BEND4: variants seen among roughly 807,000 people sequenced by gnomAD.
The protein encoded by BEND4 is BEN domain containing 4, also known as BEN domain-containing protein 4.
A neutral mutation model predicts 54.7 loss-of-function variants in BEND4; 27 were observed. The observed-to-expected ratio is 0.49, with a 90% CI of 0.36 to 0.68. The LOEUF is 0.68. Among genes scored for constraint, BEND4 ranks in the 30% least tolerant of loss-of-function variants. The probability of loss-of-function intolerance (pLI) is 0.00; values close to 1 mark genes in which losing one functional copy is unlikely to be tolerated. For synonymous variants in BEND4, 327 were observed against 299.5 expected (o/e 1.09, Z -0.95); for missense variants, 702 against 697.2 (o/e 1.01, Z -0.08).
At chr4:42,143,337 A>T in intron 3 of BEND4, 91 bp downstream of exon 3, 2 of 1,159,780 alleles carry the variant, frequency 1.7e-6, no homozygotes, top group South Asian at 1.4e-5. Flanking sequence ...ATATACACAT[A>T]CACATACATG....
chr4:42,120,753 G>A (rs868125358), intron 4 of BEND4, among the ~76,000 whole-genome samples: 1 of 151,670 alleles, frequency 6.6e-6, no homozygotes, highest in Non-Finnish European at 1.5e-5. Context: ...TGTGTTTAAC[G>A]CACCCAACAC....
chr4:42,142,465 AT>A (rs57412336), intron 3 of BEND4, among the ~76,000 whole-genome samples: 46,472 of 143,950 alleles, frequency 0.32, 9,230 homozygotes, highest in African/African-American at 0.59. Flanking sequence ...ACTAAAAAAA[AT>A]ATATATATAT....
chr4:42,126,733 C>T (rs956805888), intron 3 of BEND4, among the ~76,000 whole-genome samples: 1 of 152,018 alleles, frequency 6.6e-6, no homozygotes, highest in Admixed American at 6.6e-5. Flanking sequence ...TAGCTTAGGC[C>T]GGGCGTGGTG....
At chr4:42,125,780 C>A in intron 3 of BEND4, 106 bp from the exon 4 acceptor site, 1 of 687,046 alleles carries the variant, frequency 1.5e-6, no homozygotes. Context: ...TTACTGGCAC[C>A]CATACTGGAG....
rs759967214 is a variant in BEND4, at chr4:42,143,792, G to A, written c.690C>T (p.Asp230=). The A allele has an allele frequency of 1.9e-6, 3 of 1,609,050 alleles. No homozygotes were observed. Among genetic ancestry groups the A allele is most frequent in the Non-Finnish European group, 1.7e-6 (2 of 1,177,410 alleles). ...GVHSQTSDNV[D]IEMQYMQRKQ... is the part of the protein sequence containing the mutation. ...TCCTTTGCATATACTGCATCTCTAT[G>A]TCTACATTGTCTGAGGTCTGACTGT... Residue 230 remains aspartate, a synonymous_variant, in exon 3 of 6, where the codon GAC becomes GAT. Coordinates refer to ENST00000502486, the MANE Select transcript of BEND4 (RefSeq NM_207406.4).
intron 3 of BEND4, among the ~76,000 whole-genome samples, chr4:42,137,035 A>G (rs529673617): frequency 6.6e-6 from 1 of 152,196 alleles, no homozygotes; most frequent in Non-Finnish European, 1.5e-5. Context: ...ACGATGGTGA[A>G]TAATGAGAAT....
At chr4:42,144,657 A>G (rs1259833614) in intron 2 of BEND4, among the ~76,000 whole-genome samples, 1 of 152,234 alleles carries the variant, frequency 6.6e-6, no homozygotes, top group Non-Finnish European at 1.5e-5. Context: ...GCCAATGTTT[A>G]GGCTGACGTG....
intron 2 of BEND4, among the ~76,000 whole-genome samples, chr4:42,146,962 TTTC>T (rs1258512542): frequency 6.6e-6 from 1 of 152,208 alleles, no homozygotes; most frequent in Non-Finnish European, 1.5e-5. Context: ...CGTGATTTGT[TTTC>T]TTAACTGAAG....
rs761970352 is a variant in BEND4, at chr4:42,143,909, G to C, written c.573C>G (p.Ser191=). Reference sequence around the variant, plus strand: ...AAGAAATCATGGACTGAGAATGGTTGGAGTCCAGGAGTTTTCCTCCACAAT... The same window carrying C: ...AAGAAATCATGGACTGAGAATGGTTCGAGTCCAGGAGTTTTCCTCCACAAT... ...LLNCGGKLLD[S]NHSQSMISCV... is the part of the protein sequence containing the mutation. Residue 191 remains serine, a synonymous_variant, in exon 3 of 6, where the codon TCC becomes TCG. Transcript: ENST00000502486. 1 of 1,536,724 alleles carries C rather than the reference G, an allele frequency of 6.5e-7. No homozygotes were observed. Among genetic ancestry groups the C allele is most frequent in the South Asian group, 1.3e-5 (1 of 76,054 alleles).
Position 42,113,872 on chromosome 4 carries a change from C to CT in BEND4, c.*3645dup, listed in dbSNP as rs1209353243. On this transcript the variant is annotated 3_prime_UTR_variant, in exon 6 of 6. Transcript: ENST00000502486. ...GAGATAACAATTTTCTGCAAATGCT[C>CT]TAATATTATCCTTACATTCCTAGTG... is the stretch of plus-strand genomic sequence containing the variant. 1 of 152,136 alleles carries CT rather than the reference C, an allele frequency of 6.6e-6. No individual in the cohort carries two copies. The highest frequency in any genetic ancestry group is 1.5e-5 in the Non-Finnish European group (1 of 68,034). The allele number at this position is 152,136 out of a possible 1,614,324, so 9.4% of individuals were successfully genotyped here.
intron 2 of BEND4, 178 bp downstream of exon 2, chr4:42,151,479 G>A (rs1721279547): frequency 1.8e-6 from 1 of 561,556 alleles, no homozygotes; most frequent in Non-Finnish European, 2.7e-6. Context: ...CCCAGGCGCG[G>A]CGGCGCTGGA....
At position 42,151,703 on chromosome 4, in the gene BEND4, G is replaced by A; in HGVS notation, c.441C>T (p.Gly147=). ...RYGPGAAAAA[G]TGGTGSDSAS... ...CGCTGTCGCTACCCGTGCCGCCGGT[G>A]CCGGCGGCCGCCGCCGCGCCTGGGC... The change falls in exon 2 of 6, where the codon GGC becomes GGT. Residue 147 remains glycine (G), a synonymous_variant. Transcript: ENST00000502486. 6.7e-7 allele frequency: 1 copy of A among 1,501,470 alleles called. No homozygotes were observed. Among genetic ancestry groups the A allele is most frequent in the Non-Finnish European group, 8.9e-7 (1 of 1,129,732 alleles). The allele number at this position is 1,501,470 out of a possible 1,614,324, so 93.0% of individuals were successfully genotyped here.
At chr4:42,146,093 C>A (rs1721073019) in intron 2 of BEND4, among the ~76,000 whole-genome samples, 2 of 152,196 alleles carry the variant, frequency 1.3e-5, no homozygotes, top group South Asian at 2.1e-4. Context: ...GGACCGCCAC[C>A]TGACCCTCCT....
At position 42,143,651 on chromosome 4, in the gene BEND4, G is replaced by A. The variant is rs1223626277; in HGVS notation, c.831C>T (p.Ala277=). The change falls in exon 3 of 6, where the codon GCC becomes GCT. Residue 277 remains alanine (A), a synonymous_variant. Coordinates refer to ENST00000502486, the MANE Select transcript of BEND4 (RefSeq NM_207406.4). ...PSSASEYGHL[A]DVDPLSTSPV... ...GAGAGGTTGACAGAGGATCCACGTC[G>A]GCCAGATGGCCATATTCACTGGCTG... is the stretch of plus-strand genomic sequence containing the variant. 6.8e-6 allele frequency: 11 copies of A among 1,613,668 alleles called. No homozygotes were observed. The highest frequency in any genetic ancestry group is 1.1e-5 in the South Asian group (1 of 91,006).
rs1721317657 is a variant in BEND4, at chr4:42,152,023, A to G, written c.121T>C (p.Tyr41His). 4.0e-6 allele frequency: 5 copies of G among 1,252,872 alleles called. No homozygotes were observed. In the Middle Eastern group the frequency reaches 6.5e-4, roughly 164 times the overall value. The allele number at this position is 1,252,872 out of a possible 1,614,324, so 77.6% of individuals were successfully genotyped here. A position where few individuals can be genotyped will look rare whatever the true frequency, so the allele number is the denominator to read the frequency against. Residue 41 changes from tyrosine to histidine, a missense_variant, in exon 2 of 6, where the codon TAC becomes CAC. By Grantham distance (83) the Tyr-to-His change is moderately conservative. Coordinates refer to ENST00000502486, the MANE Select transcript of BEND4 (RefSeq NM_207406.4). ...AGCTCCACCAGGGTGGGTCGCTCGT[A>G]GCGCTTGGCCAGCGCCGGTCTCTTG... ...PSKRPALAKR[Y>H]ERPTLVELPH...
At chr4:42,147,099 GT>G (rs780439619) in intron 2 of BEND4, among the ~76,000 whole-genome samples, 1 of 152,146 alleles carries the variant, frequency 6.6e-6, no homozygotes, top group Admixed American at 6.5e-5. Context: ...CTTGCCTGCA[GT>G]TTTTTAAATG....
At chr4:42,125,915 T>C (rs1720263220) in intron 3 of BEND4, among the ~76,000 whole-genome samples, 1 of 151,994 alleles carries the variant, frequency 6.6e-6, no homozygotes, top group Non-Finnish European at 1.5e-5. Context: ...ATTATGTTAA[T>C]TTTTTTGCAG....
Position 42,114,357 on chromosome 4 carries a change from G to A in BEND4, c.*3161C>T, listed in dbSNP as rs1003447193. ...ACAGTTGTCACTTTTTGTAGGTATG[G>A]CTCTTCTGCTTATGGACCACACCTA... On this transcript the variant is annotated 3_prime_UTR_variant, in exon 6 of 6. Transcript: ENST00000502486. The A allele has an allele frequency of 6.6e-6, 1 of 152,076 alleles. No individual in the cohort carries two copies. Among genetic ancestry groups the A allele is most frequent in the African/African-American group, 2.4e-5 (1 of 41,398 alleles). The allele number at this position is 152,076 out of a possible 1,614,324, so 9.4% of individuals were successfully genotyped here.
chr4:42,135,984 A>T (rs1015756529), intron 3 of BEND4, among the ~76,000 whole-genome samples: 1 of 152,188 alleles, frequency 6.6e-6, no homozygotes, highest in Non-Finnish European at 1.5e-5. Flanking sequence ...AGTGTCACTG[A>T]TAGTTGTAAC....
Sources: allele counts gnomAD v4.1 joint callset (sites outside exome capture counted in the v4.1 genomes callset), GRCh38; gene constraint gnomAD v4.1.1; transcripts MANE v1.5; gene names NCBI Gene and HGNC (gene_info 2026-07-23, HGNC 2026-07-21).